GDPD5: variants seen among roughly 807,000 people sequenced by gnomAD.
GDPD5 encodes the protein glycerophosphodiester phosphodiesterase 2.
GDPD5 carries 48 observed loss-of-function variants against 75.1 expected under a neutral mutation model. The observed-to-expected ratio is 0.64, with a 90% CI of 0.51 to 0.81. The LOEUF is 0.81. Ranked by LOEUF, GDPD5 falls within the 40% of genes least tolerant of loss-of-function variation. GDPD5 has a pLI of 0.00. For missense variants in GDPD5, 706 were observed against 822.6 expected (o/e 0.86, Z 1.73); for synonymous variants, 336 against 339.0 (o/e 0.99, Z 0.10).
chr11:75,447,984 G>A (rs1003738802), intron 9 of GDPD5, among the ~76,000 whole-genome samples: 9 of 152,152 alleles, frequency 5.9e-5, no homozygotes, highest in Admixed American at 5.9e-4. Context: ...GAGTCTTATC[G>A]AGAAAATAAT....
intron 10 of GDPD5, among the ~76,000 whole-genome samples, chr11:75,443,618 G>A (rs2135173708): frequency 6.6e-6 from 1 of 152,356 alleles, no homozygotes; most frequent in Admixed American, 6.5e-5. Context: ...GGCTGAGAGA[G>A]GGAAGTATCT....
At chr11:75,439,845 G>T in intron 15 of GDPD5, 34 bp downstream of exon 15, 1 of 1,564,022 alleles carries the variant, frequency 6.4e-7, no homozygotes, top group Non-Finnish European at 8.8e-7. Flanking sequence ...CTGCAGGGTA[G>T]GGACAGCCAC....
intron 2 of GDPD5, among the ~76,000 whole-genome samples, chr11:75,478,903 C>T (rs938928637): frequency 2.6e-5 from 4 of 152,224 alleles, no homozygotes; most frequent in Non-Finnish European, 5.9e-5. Flanking sequence ...TGGCTGCTGT[C>T]CCATAACTGG....
rs1396475869 is a variant in GDPD5, at chr11:75,462,872, G to A, written c.135C>T (p.Phe45=). 6.2e-7 allele frequency: 1 copy of A among 1,613,974 alleles called. No individual in the cohort carries two copies. The highest frequency in any genetic ancestry group is 1.7e-4 in the Middle Eastern group (1 of 6,024). ...DDTTPWERLW[F]LLLTFTFGLT... ...GGCCAAAGGTGAAGGTGAGGAGCAG[G>A]AACCAGAGGCGCTCCCACTGGAAGA... Residue 45 remains phenylalanine, a synonymous_variant, in exon 4 of 17, where the codon TTC becomes TTT. Coordinates refer to ENST00000336898, the MANE Select transcript of GDPD5 (RefSeq NM_030792.8).
rs1386110138 is a variant in GDPD5 at position 75,448,977 on chromosome 11, C to T, written c.714G>A (p.Met238Ile). Residue 238 changes from methionine to isoleucine, a missense_variant and splice_region_variant, in exon 9 of 17, where the codon ATG (methionine) becomes ATA (isoleucine). By Grantham distance (10) the Met-to-Ile change is conservative. Transcript: ENST00000336898. ...GTTAGGACCCTGAGGTGGCACTCAC[C>T]ATGGGGGCCCCGCGGTGGCCAATGA... is the stretch of plus-strand genomic sequence containing the variant. ...PALIGHRGAP[M>I]LAPEHTLMSF... is the part of the protein sequence containing the mutation. 2 of 1,568,052 alleles carry T rather than the reference C, an allele frequency of 1.3e-6. No individual in the cohort carries two copies. Among genetic ancestry groups the T allele is most frequent in the East Asian group, 2.3e-5 (1 of 42,614 alleles).
At chr11:75,472,505 C>G (rs1484068300) in intron 3 of GDPD5, among the ~76,000 whole-genome samples, 2 of 152,120 alleles carry the variant, frequency 1.3e-5, no homozygotes, top group African/African-American at 4.8e-5. Flanking sequence ...CCAGGGTGAT[C>G]TGGGAGGTCC....
At chr11:75,524,285 C>T (rs559036772) in intron 1 of GDPD5, among the ~76,000 whole-genome samples, 13 of 152,376 alleles carry the variant, frequency 8.5e-5, no homozygotes, top group African/African-American at 3.1e-4. Flanking sequence ...AGCAACCAAC[C>T]ACACTAATTC....
intron 1 of GDPD5, among the ~76,000 whole-genome samples, chr11:75,520,239 G>A (rs911159197): frequency 2.0e-5 from 3 of 152,252 alleles, no homozygotes; most frequent in Admixed American, 6.5e-5. Context: ...GCTCGTTCAC[G>A]AAGCCATCGA....
In GDPD5 at chr11:75,447,977, T is replaced by G. The variant is rs142149940; in HGVS notation, c.714+1000A>C. ...CTGGAGTCTGGCTCAGGGGCTGGAG[T>G]CTTATCGAGAAAATAATACCCACCA... On this transcript the variant is annotated intron_variant, in intron 9 of 16. Transcript: ENST00000336898. Among the ~76,000 whole-genome samples, 430 of 151,752 alleles carry G rather than the reference T, an allele frequency of 2.8e-3. 2 individuals are homozygous for G. Among genetic ancestry groups the G allele is most frequent in the African/African-American group, 9.3e-3 (386 of 41,360 alleles).
chr11:75,468,589 C>T (rs1283581376), intron 3 of GDPD5, among the ~76,000 whole-genome samples: 1 of 152,214 alleles, frequency 6.6e-6, no homozygotes, highest in East Asian at 1.9e-4. Flanking sequence ...GGGACAGTAT[C>T]GGCATGCTGC....
At position 75,439,765 on chromosome 11, in the gene GDPD5, C is replaced by T. The variant is rs936700253; in HGVS notation, c.1556+114G>A. On this transcript the variant is annotated intron_variant, in intron 15 of 16. Coordinates refer to ENST00000336898, the MANE Select transcript of GDPD5 (RefSeq NM_030792.8). Reference sequence around the variant, plus strand: ...CCGGAGTCCGTCCTTCTTCCCTGGTCAGGCCTGCTCCTGGCTGAGGCCCAG... The same window carrying T: ...CCGGAGTCCGTCCTTCTTCCCTGGTTAGGCCTGCTCCTGGCTGAGGCCCAG... 5.9e-6 allele frequency: 5 copies of T among 844,110 alleles called. No individual in the cohort carries two copies. In the African/African-American group the frequency reaches 8.5e-5, roughly 14 times the overall value. 52.3% of individuals were successfully genotyped at this position (844,110 alleles called of 1,614,324 possible).
intron 2 of GDPD5, among the ~76,000 whole-genome samples, chr11:75,487,431 G>A (rs1417924710): frequency 2.6e-5 from 4 of 152,318 alleles, no homozygotes; most frequent in Admixed American, 1.3e-4. Context: ...AGGGAGAGAG[G>A]CTTTGAGGTG....
chr11:75,438,507 C>T (rs981501788), intron 15 of GDPD5: 6 of 152,280 alleles, frequency 3.9e-5, no homozygotes, highest in Admixed American at 3.9e-4. Context: ...GCATCAGCAA[C>T]CAGTGTATGT....
At chr11:75,476,765 C>T (rs538773467) in intron 3 of GDPD5, among the ~76,000 whole-genome samples, 12 of 152,270 alleles carry the variant, frequency 7.9e-5, no homozygotes, top group East Asian at 3.9e-4. Flanking sequence ...GGGCTCTATC[C>T]GTCATCAGCA....
intron 9 of GDPD5, among the ~76,000 whole-genome samples, chr11:75,445,642 C>T (rs941600527): frequency 6.6e-6 from 1 of 152,208 alleles, no homozygotes. Context: ...ATTCCCATGG[C>T]TGATCTCATT....
At chr11:75,459,002 G>A (rs1302807038) in intron 4 of GDPD5, among the ~76,000 whole-genome samples, 1 of 152,100 alleles carries the variant, frequency 6.6e-6, no homozygotes, top group Non-Finnish European at 1.5e-5. Context: ...TCAAACTCCT[G>A]AGCTCAGGTG....
chr11:75,494,046 TTTAA>T (rs759199819), intron 1 of GDPD5, among the ~76,000 whole-genome samples: 1 of 152,190 alleles, frequency 6.6e-6, no homozygotes, highest in Non-Finnish European at 1.5e-5. Context: ...TTTTCAAAAA[TTTAA>T]TTAATATTTC....
In GDPD5 at chr11:75,448,988, C is replaced by T. The variant is rs774285816; in HGVS notation, c.703G>A (p.Gly235Arg). 15 of 1,577,294 alleles carry T rather than the reference C, an allele frequency of 9.5e-6. No homozygotes were observed. The highest frequency in any genetic ancestry group is 1.4e-5 in the African/African-American group (1 of 72,448). Residue 235 changes from glycine to arginine, a missense_variant, in exon 9 of 17, where the codon GGG becomes AGG. Physicochemically the swap from Gly to Arg is moderately radical, Grantham distance 125 (BLOSUM62 -2). Transcript: ENST00000336898. ...GPKPALIGHR[G>R]APMLAPEHTL... ...GAGGTGGCACTCACCATGGGGGCCC[C>T]GCGGTGGCCAATGAGAGCAGGCTTG...
intron 1 of GDPD5, among the ~76,000 whole-genome samples, chr11:75,495,420 G>A (rs879736953): frequency 2.0e-5 from 3 of 151,178 alleles, no homozygotes; most frequent in East Asian, 2.0e-4. Context: ...AGCTGAGATC[G>A]TGCCACACTG....
Sources: gnomAD v4.1 joint callset for allele counts (sites outside exome capture counted in the v4.1 genomes callset) on GRCh38, gnomAD v4.1.1 for gene constraint, MANE v1.5 for transcripts, NCBI Gene and HGNC (gene_info 2026-07-23, HGNC 2026-07-21) for gene names.